The following ASIC2 variants were observed in gnomAD, a reference collection of about 807,000 sequenced individuals.
ASIC2 encodes the protein acid sensing ion channel subunit 2.
Under a neutral mutation model 57.3 loss-of-function variants are expected in ASIC2, and 25 were observed. That is an observed-to-expected ratio of 0.44 (90% CI 0.32 to 0.61). The LOEUF (loss-of-function observed/expected upper bound fraction) is 0.61, where lower values mean the gene tolerates loss of function less well. Ranked by LOEUF, ASIC2 falls within the 20% of genes least tolerant of loss-of-function variation. The pLI is 0.06. For missense variants in ASIC2, 641 were observed against 738.1 expected, an observed-to-expected ratio of 0.87 and a Z score of 1.52; for synonymous variants, 319 against 307.5, an observed-to-expected ratio of 1.04 and a Z score of -0.39.
At chr17:33,951,602 C>T (rs551105012) in intron 1 of ASIC2, among the ~76,000 whole-genome samples, 1 of 148,510 alleles carries the variant, frequency 6.7e-6, no homozygotes, top group East Asian at 2.0e-4. Flanking sequence ...CTTTTTTTTT[C>T]GATGGAGTCT....
chr17:33,157,411 C>T (rs551613158), intron 1 of ASIC2, among the ~76,000 whole-genome samples: 1 of 152,176 alleles, frequency 6.6e-6, no homozygotes, highest in East Asian at 1.9e-4. Flanking sequence ...AACTATGTAT[C>T]CTTTAAGTAC....
chr17:33,390,728 T>A (rs1009346359), intron 1 of ASIC2, among the ~76,000 whole-genome samples: 6 of 152,238 alleles, frequency 3.9e-5, no homozygotes, highest in African/African-American at 1.4e-4. Flanking sequence ...AAAGGGCAAC[T>A]GGCTTTACTC....
At chr17:33,493,873 A>C (rs1281403438) in intron 1 of ASIC2, among the ~76,000 whole-genome samples, 3 of 152,234 alleles carry the variant, frequency 2.0e-5, no homozygotes, top group South Asian at 4.1e-4. Flanking sequence ...CCATCTGATT[A>C]GTATCAACAG....
intron 1 of ASIC2, among the ~76,000 whole-genome samples, chr17:33,161,693 A>G (rs1244443030): frequency 6.6e-6 from 1 of 152,176 alleles, no homozygotes; most frequent in Non-Finnish European, 1.5e-5. Context: ...GTATGTGTTC[A>G]ACAAATATCT....
At chr17:33,267,986 C>A (rs181914360) in intron 1 of ASIC2, among the ~76,000 whole-genome samples, 2 of 152,080 alleles carry the variant, frequency 1.3e-5, no homozygotes, top group Non-Finnish European at 2.9e-5. Flanking sequence ...GGTTCCTCAC[C>A]GTGCATGCGT....
intron 1 of ASIC2, among the ~76,000 whole-genome samples, chr17:33,554,958 T>A (rs1266976555): frequency 1.3e-5 from 2 of 152,112 alleles, no homozygotes; most frequent in African/African-American, 4.8e-5. Flanking sequence ...TTTAAATAAA[T>A]TTTTATCCCA....
At chr17:34,033,269 G>A (rs763532388) in intron 1 of ASIC2, among the ~76,000 whole-genome samples, 1 of 152,096 alleles carries the variant, frequency 6.6e-6, no homozygotes, top group Non-Finnish European at 1.5e-5. Flanking sequence ...TGACTACTTG[G>A]TGCACATCAA....
intron 1 of ASIC2, among the ~76,000 whole-genome samples, chr17:33,660,007 C>T (rs745322127): frequency 1.7e-4 from 26 of 152,082 alleles, no homozygotes; most frequent in Admixed American, 3.3e-4. Context: ...TTGCTTGAAC[C>T]CGGGAGGAGG....
rs1385171172 is a variant in ASIC2, at chr17:33,292,460, T to A, written c.-345A>T. 4.1e-6 allele frequency: 4 copies of A among 985,414 alleles called. No homozygotes were observed. The highest frequency in any genetic ancestry group is 4.8e-6 in the Non-Finnish European group (4 of 830,060). 61.0% of individuals were successfully genotyped at this position (985,414 alleles called of 1,614,324 possible). ...GTCCCACTGGGAGCCGCCTCTCCAG[T>A]CCCTGGGTGCTGCGCCCGCCTTCCC... On this transcript the variant is annotated 5_prime_UTR_variant, in exon 1 of 10. Transcript: ENST00000225823.
At chr17:33,305,345 A>G (rs1411869171) in intron 1 of ASIC2, among the ~76,000 whole-genome samples, 1 of 152,174 alleles carries the variant, frequency 6.6e-6, no homozygotes, top group Non-Finnish European at 1.5e-5. Context: ...TTTAAGCATG[A>G]GTGAGCCCTT....
chr17:33,291,861 C>T lies in ASIC2; in HGVS notation c.255G>A (p.Arg85=). 6.2e-7 allele frequency: 1 copy of T among 1,609,178 alleles called. No homozygotes were observed. The highest frequency in any genetic ancestry group is 8.5e-7 in the Non-Finnish European group (1 of 1,179,518). ...AGAAGGCCAGCACCCACAGCGCCCG[C>T]CGCTGGAAGGAGCCCCCAGCCGCCG... ...GRTAAGGSFQ[R]RALWVLAFCT... Residue 85 remains arginine (R), a synonymous_variant, in exon 1 of 10, where the codon CGG becomes CGA. Transcript: ENST00000225823.
At chr17:34,130,148 A>G (rs1271376454) in intron 1 of ASIC2, among the ~76,000 whole-genome samples, 1 of 152,256 alleles carries the variant, frequency 6.6e-6, no homozygotes, top group Non-Finnish European at 1.5e-5. Context: ...AATTAGAGAC[A>G]TGAAGAAAGA....
chr17:33,187,917 A>AG (rs1435803860), intron 1 of ASIC2, among the ~76,000 whole-genome samples: 3 of 151,376 alleles, frequency 2.0e-5, no homozygotes, highest in Non-Finnish European at 4.4e-5. Context: ...AAAAAAAAAA[A>AG]AGAAAAAAAG....
At chr17:33,139,770 C>T (rs575475531) in intron 1 of ASIC2, among the ~76,000 whole-genome samples, 1 of 152,316 alleles carries the variant, frequency 6.6e-6, no homozygotes, top group South Asian at 2.1e-4. Flanking sequence ...TATACTTCCC[C>T]TCCCTTCTTT....
chr17:33,269,952 G>A lies in ASIC2; in HGVS notation c.708+21456C>T, dbSNP rs567195093. Among the ~76,000 whole-genome samples, 4 of 152,192 alleles carry A rather than the reference G, an allele frequency of 2.6e-5. No homozygotes were observed. The East Asian group carries it at 7.7e-4, about 29-fold the overall frequency. On this transcript the variant is annotated intron_variant, in intron 1 of 9. Transcript: ENST00000225823. Reference sequence around the variant, plus strand: ...CCAGCCATGTGCTTGGTCCCAGCAGGCTCTGTGGGCCAGCCCAGATGCCTC... The same window carrying A: ...CCAGCCATGTGCTTGGTCCCAGCAGACTCTGTGGGCCAGCCCAGATGCCTC...
In ASIC2 at chr17:33,326,778, A is replaced by G. The variant is rs546439547; in HGVS notation, c.556-214711T>C. 7.2e-5 allele frequency among the ~76,000 whole-genome samples: 11 copies of G among 152,286 alleles called. No homozygotes were observed. The South Asian group carries it at 1.7e-3, about 23-fold the overall frequency. ...TTCTCTGTCTCACTGCCTTGTCCCC[A>G]TTTCCAAAGTCAGTCCATTGCTGAC... On this transcript the variant is annotated intron_variant, in intron 1 of 9. Coordinates refer to the ASIC2 transcript ENST00000359872.
intron 1 of ASIC2, among the ~76,000 whole-genome samples, chr17:33,675,520 G>A (rs73280930): frequency 0.049 from 7,424 of 152,084 alleles, 470 homozygotes; most frequent in African/African-American, 0.14. Context: ...TGAGCTTCAC[G>A]GCCTCCCACA....
At chr17:33,222,350 T>C (rs757054951) in intron 1 of ASIC2, among the ~76,000 whole-genome samples, 3 of 152,226 alleles carry the variant, frequency 2.0e-5, no homozygotes, top group Non-Finnish European at 4.4e-5. Context: ...GTATGATTCT[T>C]ATAGGAAATG....
chr17:33,230,511 A>G (rs1908048262), intron 1 of ASIC2, among the ~76,000 whole-genome samples: 3 of 152,202 alleles, frequency 2.0e-5, no homozygotes, highest in Non-Finnish European at 4.4e-5. Flanking sequence ...GGTACAGAGC[A>G]GGGTTGTGGA....
Sources: allele counts gnomAD v4.1 joint callset (sites outside exome capture counted in the v4.1 genomes callset), GRCh38; gene constraint gnomAD v4.1.1; transcripts MANE v1.5; gene names NCBI Gene and HGNC (gene_info 2026-07-23, HGNC 2026-07-21).